Variants in SLC44A1 observed in about 807,000 individuals in gnomAD.
The protein encoded by SLC44A1 is choline transporter-like protein 1.
Under a neutral mutation model 79.3 loss-of-function variants are expected in SLC44A1, and 26 were observed. The ratio of observed to expected loss-of-function variants is 0.33; its 90% confidence interval spans 0.24 to 0.46. The LOEUF (loss-of-function observed/expected upper bound fraction) is 0.46. Among genes scored for constraint, SLC44A1 ranks in the 20% least tolerant of loss-of-function variants. The pLI is 1.00. For missense variants in SLC44A1, 688 were observed against 798.1 expected, an observed-to-expected ratio of 0.86 and a Z score of 1.66; for synonymous variants, 263 against 286.2, an observed-to-expected ratio of 0.92 and a Z score of 0.82.
chr9:105,384,135 A>G (rs1828557356), intron 14 of SLC44A1, among the ~76,000 whole-genome samples: 1 of 152,296 alleles, frequency 6.6e-6, no homozygotes, highest in South Asian at 2.1e-4. Context: ...TTCCAGGAGC[A>G]TATTTTATCC....
chr9:105,381,647 C>A (rs1366538869), intron 13 of SLC44A1, among the ~76,000 whole-genome samples: 6 of 151,802 alleles, frequency 4.0e-5, no homozygotes, highest in Non-Finnish European at 8.8e-5. Flanking sequence ...AAGTAATTAA[C>A]CATCTATGGA....
At chr9:105,307,034 T>A (rs1178465849) in intron 2 of SLC44A1, among the ~76,000 whole-genome samples, 1 of 152,212 alleles carries the variant, frequency 6.6e-6, no homozygotes, top group African/African-American at 2.4e-5. Flanking sequence ...TTTGTTAGTG[T>A]CCAGTTACTG....
downstream of SLC44A1, among the ~76,000 whole-genome samples, chr9:105,400,641 C>T (rs1002968812): frequency 1.3e-5 from 2 of 152,086 alleles, no homozygotes; most frequent in African/African-American, 2.4e-5. Context: ...AATGTAACCT[C>T]CCGAAAGTGC....
At chr9:105,258,669 T>A (rs1458291863) in intron 1 of SLC44A1, among the ~76,000 whole-genome samples, 1 of 152,118 alleles carries the variant, frequency 6.6e-6, no homozygotes, top group Non-Finnish European at 1.5e-5. Flanking sequence ...AGAGGTTGTG[T>A]GTGCTGTTTG....
chr9:105,253,669 G>C (rs1829637967), intron 1 of SLC44A1, among the ~76,000 whole-genome samples: 1 of 152,206 alleles, frequency 6.6e-6, no homozygotes, highest in Non-Finnish European at 1.5e-5. Context: ...GGGAGGTTGA[G>C]GCTGCATTGA....
chr9:105,344,071 G>A (rs1827177898), intron 4 of SLC44A1, among the ~76,000 whole-genome samples: 2 of 152,064 alleles, frequency 1.3e-5, no homozygotes, highest in African/African-American at 4.8e-5. Context: ...TGAAAAAGAG[G>A]TTAAATTCAT....
chr9:105,385,624 T>C (rs1471036073), intron 15 of SLC44A1, 122 bp downstream of exon 15: 1 of 1,463,910 alleles, frequency 6.8e-7, no homozygotes, highest in Non-Finnish European at 9.0e-7. Flanking sequence ...ACGCAGGACA[T>C]GCTGCTCTTT....
intron 15 of SLC44A1, among the ~76,000 whole-genome samples, chr9:105,431,504 C>T (rs10441774): frequency 0.041 from 6,241 of 152,212 alleles, 408 homozygotes; most frequent in African/African-American, 0.14. Flanking sequence ...CTAACAAGTG[C>T]CTGGAGTATA....
intron 1 of SLC44A1, among the ~76,000 whole-genome samples, chr9:105,247,537 T>C (rs572646217): frequency 5.3e-5 from 8 of 152,222 alleles, no homozygotes; most frequent in Admixed American, 5.2e-4. Flanking sequence ...CCTCGGGTGA[T>C]CTACCCACCT....
intron 3 of SLC44A1, among the ~76,000 whole-genome samples, chr9:105,334,995 C>T (rs1025102895): frequency 2.6e-5 from 4 of 151,932 alleles, no homozygotes; most frequent in Admixed American, 2.6e-4. Flanking sequence ...ATTTTAACAC[C>T]CAGCGATGAC....
intron 3 of SLC44A1, among the ~76,000 whole-genome samples, chr9:105,316,837 A>G (rs1174326671): frequency 2.0e-5 from 3 of 152,248 alleles, no homozygotes; most frequent in African/African-American, 7.2e-5. Flanking sequence ...GCTGTAACAA[A>G]TTACCATAAA....
chr9:105,424,618 G>C (rs1450405108), intron 15 of SLC44A1, among the ~76,000 whole-genome samples: 1 of 152,104 alleles, frequency 6.6e-6, no homozygotes, highest in South Asian at 2.1e-4. Flanking sequence ...ATCAACAATG[G>C]TGATAAATAA....
At chr9:105,279,357 G>A (rs1352254853) in intron 1 of SLC44A1, among the ~76,000 whole-genome samples, 1 of 129,146 alleles carries the variant, frequency 7.7e-6, no homozygotes, top group Non-Finnish European at 1.6e-5. Flanking sequence ...TGACTCTGTT[G>A]CCCAGGCTGG....
chr9:105,247,365 T>G lies in SLC44A1; in HGVS notation c.36+2461T>G, dbSNP rs1007349913. 1.5e-4 allele frequency among the ~76,000 whole-genome samples: 23 copies of G among 152,222 alleles called. 1 individual carries two copies. Among genetic ancestry groups the G allele is most frequent in the African/African-American group, 5.3e-4 (22 of 41,460 alleles). On this transcript the variant is annotated intron_variant, in intron 1 of 15. Coordinates refer to ENST00000374720, the MANE Select transcript of SLC44A1 (RefSeq NM_080546.5). ...GCTGCTGGAGTGCAGTGGTGCGATC[T>G]CAGCTCACTGCAACCTCCGCCTCCT... is the stretch of plus-strand genomic sequence containing the variant.
intron 3 of SLC44A1, among the ~76,000 whole-genome samples, chr9:105,333,310 G>A (rs1351053721): frequency 1.3e-5 from 2 of 151,930 alleles, no homozygotes; most frequent in Non-Finnish European, 2.9e-5. Flanking sequence ...GGTTCTCAAG[G>A]CATTGCTCAT....
chr9:105,271,827 T>C (rs938376305), intron 1 of SLC44A1, among the ~76,000 whole-genome samples: 16 of 152,156 alleles, frequency 1.1e-4, no homozygotes, highest in Admixed American at 2.0e-4. Context: ...TTGGCCAGGC[T>C]GGTCTCAAAC....
rs148456182 is a variant in SLC44A1 at position 105,286,617 on chromosome 9, T to C, written c.37-12603T>C. Among the ~76,000 whole-genome samples, 554 of 152,324 alleles carry C rather than the reference T, an allele frequency of 3.6e-3. 2 individuals are homozygous for C. Among genetic ancestry groups the C allele is most frequent in the Non-Finnish European group, 6.1e-3 (418 of 68,034 alleles). On this transcript the variant is annotated intron_variant, in intron 1 of 15. Coordinates refer to ENST00000374720, the MANE Select transcript of SLC44A1 (RefSeq NM_080546.5). ...TTTTTCTACCTTAATACGTGCAGCT[T>C]TTCCTATAATTTCGCCAACCCTCAA...
chr9:105,327,688 G>A (rs1261718286), intron 3 of SLC44A1, among the ~76,000 whole-genome samples: 1 of 152,122 alleles, frequency 6.6e-6, no homozygotes, highest in Non-Finnish European at 1.5e-5. Context: ...GCCTTTGCCT[G>A]CTCTGTTCCT....
intron 3 of SLC44A1, among the ~76,000 whole-genome samples, chr9:105,326,983 G>C (rs1826598075): frequency 6.6e-6 from 1 of 152,174 alleles, no homozygotes; most frequent in African/African-American, 2.4e-5. Flanking sequence ...TTACAGAATT[G>C]AGCAGGATTC....
Sources: allele counts gnomAD v4.1 joint callset (sites outside exome capture counted in the v4.1 genomes callset), GRCh38; gene constraint gnomAD v4.1.1; transcripts MANE v1.5; gene names NCBI Gene and HGNC (gene_info 2026-07-23, HGNC 2026-07-21).